DPP6: variants seen among roughly 807,000 people sequenced by gnomAD.
DPP6 encodes dipeptidyl peptidase like 6.
In DPP6, 69 loss-of-function variants were observed where a neutral mutation model predicts 122.6. The observed-to-expected ratio is 0.56, with a 90% confidence interval of 0.46 to 0.69. The LOEUF is 0.69. Among genes scored for constraint, DPP6 ranks in the 30% least tolerant of loss-of-function variants. The pLI is 0.00. For missense variants in DPP6, 928 were observed against 1,116.9 expected (o/e 0.83, Z 2.41); for synonymous variants, 418 against 433.1 (o/e 0.97, Z 0.43).
chr7:154,061,418 G>C (rs2429608), intron 1 of DPP6, among the ~76,000 whole-genome samples: 13,642 of 136,018 alleles, frequency 0.1, 325 homozygotes, highest in Admixed American at 0.17. Flanking sequence ...GGCTGAGGCC[G>C]GTAGCCTACA....
In DPP6 at chr7:153,930,333, G is replaced by A. The variant is rs1262363250; in HGVS notation, c.51+42599G>A. ...ATTATTCATATCCAGCCTTCTCTCAGTGTGTAGTCAGGGTAGTCACTGGTG... is the reference window on the plus strand; with the variant it reads ...ATTATTCATATCCAGCCTTCTCTCAATGTGTAGTCAGGGTAGTCACTGGTG... On this transcript the variant is annotated intron_variant, in intron 1 of 25. Transcript: ENST00000404039. Among the ~76,000 whole-genome samples, 7 of 152,288 alleles carry A rather than the reference G, an allele frequency of 4.6e-5. No homozygotes were observed. The East Asian group carries it at 7.7e-4, about 17-fold the overall frequency.
the DPP6 span, among the ~76,000 whole-genome samples, chr7:153,837,837 A>ATTTTTTTTTTTTTTTT: frequency 8.1e-4 from 65 of 80,634 alleles, 4 homozygotes; most frequent in South Asian, 0.011. Context: ...TGCCTGGTTA[A>ATTTTTTTTTTTTTTTT]TTTTTTTTTT....
At chr7:154,396,079 T>G (rs1443602431) in intron 1 of DPP6, among the ~76,000 whole-genome samples, 2 of 152,242 alleles carry the variant, frequency 1.3e-5, no homozygotes, top group African/African-American at 4.8e-5. Flanking sequence ...TACGAATTGT[T>G]ATTTTTGAAT....
At chr7:154,371,922 G>T (rs1037692134) in intron 1 of DPP6, among the ~76,000 whole-genome samples, 6 of 152,160 alleles carry the variant, frequency 3.9e-5, no homozygotes, top group Admixed American at 2.0e-4. Context: ...GAAGCCAGAG[G>T]GGCCGTCGTC....
intron 20 of DPP6, among the ~76,000 whole-genome samples, chr7:154,878,717 AG>A (rs1215140786): frequency 3.3e-5 from 5 of 152,228 alleles, no homozygotes; most frequent in African/African-American, 1.2e-4. Flanking sequence ...CCCCTGTGGA[AG>A]GCAGCGGGCA....
chr7:154,796,617 T>G (rs556708528), intron 12 of DPP6, among the ~76,000 whole-genome samples: 1 of 152,310 alleles, frequency 6.6e-6, no homozygotes, highest in Admixed American at 6.5e-5. Context: ...ATGAAAATTG[T>G]CTTAAAGACT....
At chr7:154,389,935 G>A (rs10952475) in intron 1 of DPP6, among the ~76,000 whole-genome samples, 84,595 of 152,088 alleles carry the variant, frequency 0.56, 27,160 homozygotes, top group Non-Finnish European at 0.7. Flanking sequence ...AAGAATAGCT[G>A]TTACTACAAA....
intron 1 of DPP6, among the ~76,000 whole-genome samples, chr7:154,128,883 C>T (rs1808150529): frequency 6.7e-6 from 1 of 150,100 alleles, no homozygotes; most frequent in African/African-American, 2.4e-5. Flanking sequence ...GCATTTGCAA[C>T]TTACCAAAGG....
chr7:154,283,565 C>G (rs1175586027), intron 1 of DPP6, among the ~76,000 whole-genome samples: 2 of 151,684 alleles, frequency 1.3e-5, no homozygotes, highest in Non-Finnish European at 2.9e-5. Flanking sequence ...GGGCTCTGTT[C>G]TTTGAGAAAC....
chr7:153,864,089 G>T, the DPP6 span, among the ~76,000 whole-genome samples: 3 of 151,960 alleles, frequency 2.0e-5, no homozygotes, highest in Admixed American at 2.0e-4. Flanking sequence ...ATTTCTCTTG[G>T]GTATATACTC....
At chr7:154,106,707 C>T (rs1159107135) in intron 1 of DPP6, among the ~76,000 whole-genome samples, 2 of 152,076 alleles carry the variant, frequency 1.3e-5, no homozygotes, top group Non-Finnish European at 2.9e-5. Flanking sequence ...TGCGATGGAG[C>T]TCACTGACAA....
At chr7:154,060,603 T>C (rs1214774546) in intron 1 of DPP6, among the ~76,000 whole-genome samples, 1 of 71,740 alleles carries the variant, frequency 1.4e-5, no homozygotes, top group Non-Finnish European at 2.7e-5. Flanking sequence ...CAGTCCCTCT[T>C]CCCCCCCCTG....
At chr7:154,565,526 A>C (rs1467549098) in intron 4 of DPP6, among the ~76,000 whole-genome samples, 1 of 151,986 alleles carries the variant, frequency 6.6e-6, no homozygotes, top group Non-Finnish European at 1.5e-5. Context: ...ATATGATGTC[A>C]CTTTTTTTTT....
chr7:154,828,386 G>T (rs1474547626), intron 16 of DPP6, among the ~76,000 whole-genome samples: 1 of 151,904 alleles, frequency 6.6e-6, no homozygotes, highest in Non-Finnish European at 1.5e-5. Context: ...GGAATTGAGC[G>T]TGAAGGTCAC....
rs935013708 is a variant in DPP6, at chr7:154,108,167, C to G, written c.243+55104C>G. ...CCAAAGGATGATGCGTTAACTCTCT[C>G]AGGGTGCTGAGGGTTCTCTCATCAT... On this transcript the variant is annotated intron_variant, in intron 1 of 25. Coordinates refer to ENST00000377770, the MANE Select transcript of DPP6 (RefSeq NM_130797.4). Among the ~76,000 whole-genome samples, 55 of 152,192 alleles carry G rather than the reference C, an allele frequency of 3.6e-4. 1 individual carries two copies. The highest frequency in any genetic ancestry group is 6.2e-4 in the South Asian group (3 of 4,822).
At chr7:154,576,329 C>T (rs1831669387) in intron 5 of DPP6, among the ~76,000 whole-genome samples, 1 of 152,078 alleles carries the variant, frequency 6.6e-6, no homozygotes, top group African/African-American at 2.4e-5. Flanking sequence ...CCCCACACTC[C>T]ACACTCCACA....
chr7:154,117,760 G>A (rs114056826), intron 1 of DPP6, among the ~76,000 whole-genome samples: 1,863 of 151,358 alleles, frequency 0.012, 37 homozygotes, highest in African/African-American at 0.042. Flanking sequence ...GTGTGGGTGG[G>A]AGAATGCTGG....
chr7:153,832,250 T>A, the DPP6 span, among the ~76,000 whole-genome samples: 1 of 152,244 alleles, frequency 6.6e-6, no homozygotes, highest in East Asian at 1.9e-4. Flanking sequence ...CATACATGTT[T>A]AATCTCTTCT....
chr7:154,226,155 C>T (rs541719509), intron 1 of DPP6, among the ~76,000 whole-genome samples: 3 of 152,222 alleles, frequency 2.0e-5, no homozygotes, highest in South Asian at 2.1e-4. Flanking sequence ...AAACCATGGC[C>T]AGAGTTCTGG....
Sources: allele counts gnomAD v4.1 joint callset (sites outside exome capture counted in the v4.1 genomes callset), GRCh38; gene constraint gnomAD v4.1.1; transcripts MANE v1.5; gene names NCBI Gene and HGNC (gene_info 2026-07-23, HGNC 2026-07-21).